The following CATSPERB variants were observed in gnomAD, a reference collection of about 807,000 sequenced individuals.
CATSPERB encodes catsper channel auxiliary subunit beta.
Under a neutral mutation model 128.3 loss-of-function variants are expected in CATSPERB, and 93 were observed. The observed-to-expected ratio is 0.72, with a 90% CI of 0.61 to 0.86. The LOEUF (loss-of-function observed/expected upper bound fraction) is 0.86, where lower values mean the gene tolerates loss of function less well. CATSPERB is among the 40% of genes least tolerant of loss of function. The pLI is 0.00. For synonymous variants in CATSPERB, 381 were observed against 448.8 expected (o/e 0.85, Z 1.91); for missense variants, 1,153 against 1,329.5 (o/e 0.87, Z 2.06).
At position 91,588,096 on chromosome 14, in the gene CATSPERB, A is replaced by C; in HGVS notation, c.2957-18T>G. 1 of 1,473,100 alleles carries C rather than the reference A, an allele frequency of 6.8e-7. No homozygotes were observed. The highest frequency in any genetic ancestry group is 9.4e-7 in the Non-Finnish European group (1 of 1,060,602). 91.3% of individuals were successfully genotyped at this position (1,473,100 alleles called of 1,614,324 possible). On this transcript the variant is annotated intron_variant, in intron 24 of 26. Coordinates refer to ENST00000256343, the MANE Select transcript of CATSPERB (RefSeq NM_024764.4). ...AGTGTGTTCTAAAAATACATAAAAC[A>C]TATTTTAAGCACACTTATTTTTCTC... is the stretch of plus-strand genomic sequence containing the variant.
intron 20 of CATSPERB, among the ~76,000 whole-genome samples, chr14:91,613,094 T>C (rs1463956019): frequency 6.6e-6 from 1 of 152,162 alleles, no homozygotes; most frequent in Non-Finnish European, 1.5e-5. Context: ...TTAAAAAATT[T>C]TAGGGATGAT....
intron 5 of CATSPERB, among the ~76,000 whole-genome samples, chr14:91,712,372 G>A (rs919481871): frequency 1.1e-4 from 16 of 151,964 alleles, no homozygotes; most frequent in African/African-American, 3.9e-4. Context: ...AAATAAATGT[G>A]AGCTATGCAT....
chr14:91,696,099 T>C (rs973343489), intron 7 of CATSPERB, among the ~76,000 whole-genome samples: 3 of 151,678 alleles, frequency 2.0e-5, no homozygotes. Flanking sequence ...AAGAGAGGAG[T>C]AGTTTTGTTT....
chr14:91,588,858 TC>T (rs1156244985), intron 24 of CATSPERB, among the ~76,000 whole-genome samples: 2 of 152,220 alleles, frequency 1.3e-5, no homozygotes, highest in Admixed American at 6.5e-5. Flanking sequence ...GCTGGATTTT[TC>T]ATTTCAAAAA....
intron 15 of CATSPERB, among the ~76,000 whole-genome samples, chr14:91,658,029 C>T (rs888429637): frequency 2.0e-5 from 3 of 152,044 alleles, no homozygotes; most frequent in Non-Finnish European, 2.9e-5. Context: ...AATCCCACTG[C>T]TAGGATATAC....
intron 5 of CATSPERB, among the ~76,000 whole-genome samples, chr14:91,713,288 A>T (rs941781088): frequency 1.1e-4 from 17 of 151,978 alleles, no homozygotes; most frequent in African/African-American, 4.1e-4. Flanking sequence ...AAACTAGGAA[A>T]AAAAAAAGAA....
In CATSPERB at chr14:91,720,598, A is replaced by AGAGACATCCACCCTG. The variant is rs1347938187; in HGVS notation, c.310-1135_310-1121dup. 5.2e-4 allele frequency among the ~76,000 whole-genome samples: 79 copies of AGAGACATCCACCCTG among 152,238 alleles called. 1 individual carries two copies. Among genetic ancestry groups the AGAGACATCCACCCTG allele is most frequent in the African/African-American group, 1.8e-3 (76 of 41,552 alleles). On this transcript the variant is annotated intron_variant, in intron 4 of 26. Coordinates refer to ENST00000256343, the MANE Select transcript of CATSPERB (RefSeq NM_024764.4). ...AGAAATTAAAGATCTAAATAAATGGAGAGACATCCACCCTGTTCATAGATT... is the reference window on the plus strand; with the variant it reads ...AGAAATTAAAGATCTAAATAAATGGAGAGACATCCACCCTGGAGACATCCACCCTGTTCATAGATT...
At chr14:91,656,724 AT>A (rs1176962845) in intron 15 of CATSPERB, among the ~76,000 whole-genome samples, 1 of 151,994 alleles carries the variant, frequency 6.6e-6, no homozygotes, top group African/African-American at 2.4e-5. Flanking sequence ...GCCTGAATGG[AT>A]TTTTTTTAAA....
chr14:91,600,763 CT>C (rs1893595521), intron 22 of CATSPERB, among the ~76,000 whole-genome samples: 1 of 152,216 alleles, frequency 6.6e-6, no homozygotes, highest in Admixed American at 6.5e-5. Flanking sequence ...GTAAAAAGAT[CT>C]TCCAAAGGGA....
rs758803726 is a variant in CATSPERB at position 91,659,800 on chromosome 14, C to T, written c.1432+37G>A. On this transcript the variant is annotated intron_variant, in intron 15 of 26. Transcript: ENST00000256343. ...TCATATATCTTCTAATCCTGGGCCA[C>T]ATGTAATGCTTACACCAGTGAAAGC... 1.6e-5 allele frequency: 26 copies of T among 1,577,726 alleles called. No homozygotes were observed. In the East Asian group the frequency reaches 5.5e-4, roughly 33 times the overall value.
At chr14:91,587,472 T>G (rs1893323621) in intron 25 of CATSPERB, among the ~76,000 whole-genome samples, 196 bp from the exon 26 acceptor site, 2 of 120,726 alleles carry the variant, frequency 1.7e-5, no homozygotes, top group South Asian at 3.2e-4. Flanking sequence ...ATTCAATAGC[T>G]GATACTTTTT....
intron 14 of CATSPERB, among the ~76,000 whole-genome samples, chr14:91,668,235 C>T (rs2139827820): frequency 1.6e-5 from 2 of 126,578 alleles, no homozygotes; most frequent in East Asian, 4.6e-4. Context: ...ACTTTTCTGT[C>T]TAGCTAGAAA....
At position 91,704,652 on chromosome 14, in the gene CATSPERB, G is replaced by A; in HGVS notation, c.516C>T (p.Ile172=). ...CTACCACATGTGGATATAATTTACT[G>A]ATTTCACTTTCTGGAATCACATCCC... ...TPGDVIPESE[I]SKLYPHVVDL... Residue 172 remains isoleucine, a synonymous_variant, in exon 7 of 27, where the codon ATC becomes ATT. Transcript: ENST00000256343. 6.2e-7 allele frequency: 1 copy of A among 1,613,826 alleles called. No homozygotes were observed. The highest frequency in any genetic ancestry group is 8.5e-7 in the Non-Finnish European group (1 of 1,179,832).
At chr14:91,625,151 C>A (rs965421422) in intron 17 of CATSPERB, 144 bp from the exon 18 acceptor site, 2 of 555,662 alleles carry the variant, frequency 3.6e-6, no homozygotes, top group Non-Finnish European at 6.1e-6. Flanking sequence ...CATTAGTAAT[C>A]AATGAAATGG....
intron 20 of CATSPERB, among the ~76,000 whole-genome samples, chr14:91,611,343 C>T (rs1893822064): frequency 6.6e-6 from 1 of 152,158 alleles, no homozygotes; most frequent in African/African-American, 2.4e-5. Flanking sequence ...GGCACGGTGG[C>T]TCACGCCTGT....
rs781149275 is a variant in CATSPERB at position 91,693,486 on chromosome 14, T to A, written c.617-7A>T. 6.2e-7 allele frequency: 1 copy of A among 1,608,510 alleles called. No individual in the cohort carries two copies. Among genetic ancestry groups the A allele is most frequent in the African/African-American group, 1.3e-5 (1 of 74,838 alleles). On this transcript the variant is annotated splice_polypyrimidine_tract_variant and splice_region_variant and intron_variant, in intron 7 of 26. Coordinates refer to ENST00000256343, the MANE Select transcript of CATSPERB (RefSeq NM_024764.4). ...GTTATGCCTATGTAAACACCTACCATGAAACAAAAGGAAAATTAAAGCCAG... is the reference window on the plus strand; with the variant it reads ...GTTATGCCTATGTAAACACCTACCAAGAAACAAAAGGAAAATTAAAGCCAG...
In CATSPERB at chr14:91,629,429, A is replaced by T. The variant is rs1035901900; in HGVS notation, c.1743-4422T>A. 4.6e-5 allele frequency among the ~76,000 whole-genome samples: 7 copies of T among 152,164 alleles called. No homozygotes were observed. The East Asian group carries it at 9.6e-4, about 21-fold the overall frequency. On this transcript the variant is annotated intron_variant, in intron 17 of 26. Coordinates refer to ENST00000256343, the MANE Select transcript of CATSPERB (RefSeq NM_024764.4). ...TAGGGCAGTGAAACTCTTCTGTATGATATTGTGATGATGAATACTTATCAT... is the reference window on the plus strand; with the variant it reads ...TAGGGCAGTGAAACTCTTCTGTATGTTATTGTGATGATGAATACTTATCAT...
chr14:91,591,855 A>T, intron 23 of CATSPERB, 37 bp downstream of exon 23: 1 of 1,363,066 alleles, frequency 7.3e-7, no homozygotes, highest in Non-Finnish European at 1.0e-6. Context: ...GTTAATAAGA[A>T]AGTATCCTGT....
intron 15 of CATSPERB, among the ~76,000 whole-genome samples, chr14:91,658,076 T>C (rs1398394884): frequency 6.6e-6 from 1 of 152,172 alleles, no homozygotes; most frequent in Non-Finnish European, 1.5e-5. Context: ...AAGAGATATC[T>C]ACACTCCCAT....
Sources: allele counts gnomAD v4.1 joint callset (sites outside exome capture counted in the v4.1 genomes callset), GRCh38; gene constraint gnomAD v4.1.1; transcripts MANE v1.5; gene names NCBI Gene and HGNC (gene_info 2026-07-23, HGNC 2026-07-21).